CSMD3: variants seen among roughly 807,000 people sequenced by gnomAD.
CSMD3 encodes the protein CUB and Sushi multiple domains 3, also known as CUB and sushi domain-containing protein 3.
In CSMD3, 177 loss-of-function variants were observed where a neutral mutation model predicts 435.2. That is an observed-to-expected ratio of 0.41 (90% confidence interval 0.36 to 0.46). The LOEUF (loss-of-function observed/expected upper bound fraction) is 0.46. CSMD3 is among the 20% of genes least tolerant of loss of function. The pLI, the probability that CSMD3 is intolerant of heterozygous loss-of-function variation, is 0.34. For missense variants in CSMD3, 4,265 were observed against 4,504.6 expected (o/e 0.95, Z 1.52); for synonymous variants, 1,656 against 1,520.5 (o/e 1.09, Z -2.07).
intron 6 of CSMD3, among the ~76,000 whole-genome samples, chr8:112,995,585 G>A (rs999783945): frequency 1.5e-4 from 23 of 151,304 alleles, no homozygotes; most frequent in African/African-American, 4.8e-4. Context: ...TTAAGTAACA[G>A]AAAAGTTTAA....
intron 13 of CSMD3, among the ~76,000 whole-genome samples, chr8:112,792,822 C>A (rs1172126609): frequency 1.3e-5 from 2 of 151,940 alleles, no homozygotes; most frequent in African/African-American, 4.8e-5. Flanking sequence ...TCTCTAGCTT[C>A]TTTGTTGAAA....
intron 1 of CSMD3, among the ~76,000 whole-genome samples, chr8:113,316,706 C>T (rs1328631784): frequency 2.0e-5 from 3 of 151,990 alleles, no homozygotes; most frequent in East Asian, 1.9e-4. Flanking sequence ...TACGCCACCA[C>T]GCCCAGCTAA....
intron 13 of CSMD3, among the ~76,000 whole-genome samples, chr8:112,690,300 G>T (rs1350315370): frequency 2.0e-5 from 3 of 151,628 alleles, no homozygotes; most frequent in Non-Finnish European, 4.4e-5. Context: ...AGGTGCCAGA[G>T]GCCATGTACT....
At chr8:113,209,032 TA>T (rs1481522699) in intron 3 of CSMD3, among the ~76,000 whole-genome samples, 2 of 152,186 alleles carry the variant, frequency 1.3e-5, no homozygotes, top group African/African-American at 4.8e-5. Flanking sequence ...GCATCTACCA[TA>T]AAAGCTTGTG....
chr8:112,588,334 T>A (rs1171800045), intron 22 of CSMD3, among the ~76,000 whole-genome samples: 1 of 151,662 alleles, frequency 6.6e-6, no homozygotes, highest in Non-Finnish European at 1.5e-5. Flanking sequence ...AAAAGCCTAA[T>A]GAAATAAAAA....
chr8:112,924,303 C>T (rs1232986566), intron 9 of CSMD3, among the ~76,000 whole-genome samples: 1 of 152,080 alleles, frequency 6.6e-6, no homozygotes, highest in East Asian at 1.9e-4. Context: ...ATGATGGCAA[C>T]AAGTATTAGA....
chr8:112,434,086 T>A (rs2130429912), intron 32 of CSMD3, among the ~76,000 whole-genome samples: 1 of 152,226 alleles, frequency 6.6e-6, no homozygotes, highest in East Asian at 1.9e-4. Flanking sequence ...GGTGTTTACC[T>A]GTGCCCAAGC....
chr8:112,441,912 A>G (rs1381503286), intron 32 of CSMD3, among the ~76,000 whole-genome samples: 1 of 150,498 alleles, frequency 6.6e-6, no homozygotes, highest in East Asian at 2.0e-4. Context: ...GGGGACACAG[A>G]GCCAGACCAT....
At chr8:112,957,211 GT>G (rs1200855104) in intron 7 of CSMD3, among the ~76,000 whole-genome samples, 6 of 152,076 alleles carry the variant, frequency 3.9e-5, no homozygotes, top group Non-Finnish European at 5.9e-5. Flanking sequence ...ATCTTGACTT[GT>G]CATCAAGTAA....
At chr8:112,229,566 C>G (rs1251356538) in intron 69 of CSMD3, among the ~76,000 whole-genome samples, 1 of 152,050 alleles carries the variant, frequency 6.6e-6, no homozygotes, top group Non-Finnish European at 1.5e-5. Context: ...GTAGCTGGGA[C>G]TGCAGGCACA....
intron 31 of CSMD3, among the ~76,000 whole-genome samples, chr8:112,481,752 T>C (rs1819639515): frequency 6.6e-6 from 1 of 152,210 alleles, no homozygotes; most frequent in African/African-American, 2.4e-5. Context: ...GTCTGTGATA[T>C]GAATTTGAAT....
At chr8:113,432,362 T>G (rs1179774184) in intron 1 of CSMD3, among the ~76,000 whole-genome samples, 1 of 152,216 alleles carries the variant, frequency 6.6e-6, no homozygotes, top group Non-Finnish European at 1.5e-5. Context: ...GCCTCATGCC[T>G]GAGCCGATCT....
intron 9 of CSMD3, among the ~76,000 whole-genome samples, chr8:112,929,667 T>C (rs1043891434): frequency 3.3e-5 from 5 of 152,022 alleles, no homozygotes; most frequent in Non-Finnish European, 5.9e-5. Context: ...TCCATAACTG[T>C]GTTATAAAGT....
rs113188384 is a variant in CSMD3 at position 113,120,757 on chromosome 8, T to C, written c.710-21794A>G. Among the ~76,000 whole-genome samples the C allele has an allele frequency of 2.8e-3, 430 of 152,288 alleles. 2 individuals are homozygous for C. The highest frequency in any genetic ancestry group is 9.6e-3 in the African/African-American group (400 of 41,576). On this transcript the variant is annotated intron_variant, in intron 4 of 70. Coordinates refer to ENST00000297405, the MANE Select transcript of CSMD3 (RefSeq NM_198123.2). ...ACATATCTGGGTCACCTTTGCAGGATGTCAGTTGCCATGTGGTTAGGGAAT... is the reference window on the plus strand; with the variant it reads ...ACATATCTGGGTCACCTTTGCAGGACGTCAGTTGCCATGTGGTTAGGGAAT...
intron 5 of CSMD3, among the ~76,000 whole-genome samples, chr8:113,048,462 T>A (rs1411865497): frequency 6.6e-6 from 1 of 152,164 alleles, no homozygotes; most frequent in Non-Finnish European, 1.5e-5. Flanking sequence ...TATGGATACT[T>A]TTTTAACAAT....
chr8:112,415,267 T>C (rs1409907346), intron 32 of CSMD3, among the ~76,000 whole-genome samples: 1 of 152,232 alleles, frequency 6.6e-6, no homozygotes, highest in African/African-American at 2.4e-5. Context: ...GCTTCGGCTC[T>C]AGCTGTGGCT....
At chr8:112,316,944 G>T (rs1216054894) in intron 47 of CSMD3, among the ~76,000 whole-genome samples, 1 of 151,824 alleles carries the variant, frequency 6.6e-6, no homozygotes, top group Non-Finnish European at 1.5e-5. Flanking sequence ...TTTTTAAATG[G>T]ACTAAAAACG....
At chr8:112,599,229 A>T (rs1340308051) in intron 22 of CSMD3, among the ~76,000 whole-genome samples, 8 of 151,186 alleles carry the variant, frequency 5.3e-5, no homozygotes, top group Admixed American at 4.0e-4. Flanking sequence ...GACACTTCTC[A>T]AAAGAAGACA....
At chr8:113,299,954 T>C (rs181413574) in intron 2 of CSMD3, among the ~76,000 whole-genome samples, 3 of 151,414 alleles carry the variant, frequency 2.0e-5, no homozygotes, top group Admixed American at 2.0e-4. Context: ...ATCACGCCAC[T>C]GCACTCCAGT....
Sources: gnomAD v4.1 joint callset for allele counts (sites outside exome capture counted in the v4.1 genomes callset) on GRCh38, gnomAD v4.1.1 for gene constraint, MANE v1.5 for transcripts, NCBI Gene and HGNC (gene_info 2026-07-23, HGNC 2026-07-21) for gene names.